Variants in LRP1B observed in about 807,000 individuals in gnomAD.
LRP1B encodes the protein low-density lipoprotein receptor-related protein 1B.
LRP1B carries 217 observed loss-of-function variants against 556.6 expected under a neutral mutation model. That is an observed-to-expected ratio of 0.39 (90% CI 0.35 to 0.44). The LOEUF (loss-of-function observed/expected upper bound fraction) is 0.44, where lower values mean the gene tolerates loss of function less well. Among genes scored for constraint, LRP1B ranks in the 20% least tolerant of loss-of-function variants. The pLI, the probability that LRP1B is intolerant of heterozygous loss-of-function variation, is 1.00. For missense variants in LRP1B, 5,053 were observed against 5,620.8 expected (o/e 0.90, Z 3.23); for synonymous variants, 2,047 against 1,865.8 (o/e 1.10, Z -2.50).
At chr2:140,417,195 T>G (rs954880790) in intron 66 of LRP1B, among the ~76,000 whole-genome samples, 37 of 152,230 alleles carry the variant, frequency 2.4e-4, no homozygotes, top group African/African-American at 8.7e-4. Flanking sequence ...GGCTAACACT[T>G]CATCAAATGT....
chr2:140,331,549 C>T (rs1680813124), intron 79 of LRP1B, among the ~76,000 whole-genome samples: 1 of 151,852 alleles, frequency 6.6e-6, no homozygotes, highest in South Asian at 2.1e-4. Context: ...TGTCACCCAA[C>T]CTGTGCCCTT....
chr2:140,282,098 A>T (rs1682938645), intron 84 of LRP1B, among the ~76,000 whole-genome samples: 1 of 151,834 alleles, frequency 6.6e-6, no homozygotes, highest in Non-Finnish European at 1.5e-5. Context: ...TAAGTTCTCC[A>T]AGATATCCTT....
chr2:140,938,206 AT>A (rs11324958), intron 20 of LRP1B, among the ~76,000 whole-genome samples: 17,424 of 151,626 alleles, frequency 0.11, 1,492 homozygotes, highest in East Asian at 0.23. Flanking sequence ...CCAGCTTCCT[AT>A]TTTTTTTAAT....
rs1464107794 is a variant in LRP1B at position 140,231,912 on chromosome 2, A to AT, written c.*1273dup. On this transcript the variant is annotated 3_prime_UTR_variant, in exon 91 of 91. Coordinates refer to ENST00000389484, the MANE Select transcript of LRP1B (RefSeq NM_018557.3). ...ATTTGTATAAAAATGCTATCCTTTT[A>AT]TTTTTATATACAACTTAAATAAATC... 1 of 151,888 alleles carries AT rather than the reference A, an allele frequency of 6.6e-6. No homozygotes were observed. Among genetic ancestry groups the AT allele is most frequent in the East Asian group, 2.0e-4 (1 of 5,098 alleles). 9.4% of individuals were successfully genotyped at this position (151,888 alleles called of 1,614,324 possible).
At chr2:140,688,500 A>G (rs1686127660) in intron 41 of LRP1B, among the ~76,000 whole-genome samples, 2 of 152,208 alleles carry the variant, frequency 1.3e-5, no homozygotes, top group African/African-American at 4.8e-5. Flanking sequence ...AAGTGAGGCC[A>G]TAGTTTAATG....
chr2:141,813,888 G>A (rs900433232), intron 1 of LRP1B, among the ~76,000 whole-genome samples: 2 of 152,112 alleles, frequency 1.3e-5, no homozygotes, highest in Admixed American at 6.5e-5. Context: ...TCTAAAAGAG[G>A]GTTGCCGGCT....
chr2:141,196,375 A>G (rs1422859015), intron 6 of LRP1B, among the ~76,000 whole-genome samples: 1 of 152,130 alleles, frequency 6.6e-6, no homozygotes, highest in Non-Finnish European at 1.5e-5. Context: ...CTGCTATATA[A>G]GACTAGAAAT....
In LRP1B at chr2:140,951,896, C is replaced by T. The variant is rs1442456354; in HGVS notation, c.2932G>A (p.Gly978Arg). ...TGCCATTTGCTGCTAATGCATCTTC[C>T]ACTTTTGCATACGAATTGGGTTAGT... ...EPLTQFVCKS[G>R]RCISSKWHCD... Residue 978 changes from glycine (G) to arginine (R), a missense_variant, in exon 19 of 91, where the codon GGA (glycine) becomes AGA (arginine). Physicochemically the swap from Gly to Arg is moderately radical, Grantham distance 125. Transcript: ENST00000389484. 5 of 1,614,012 alleles carry T rather than the reference C, an allele frequency of 3.1e-6. No homozygotes were observed. The highest frequency in any genetic ancestry group is 4.2e-6 in the Non-Finnish European group (5 of 1,179,930).
intron 35 of LRP1B, among the ~76,000 whole-genome samples, chr2:140,751,461 T>A (rs922151377): frequency 1.3e-5 from 2 of 152,238 alleles, no homozygotes; most frequent in African/African-American, 4.8e-5. Flanking sequence ...GGTCCTCCAA[T>A]TTTCTATCAT....
chr2:141,917,502 T>C (rs1700069887), intron 1 of LRP1B, among the ~76,000 whole-genome samples: 1 of 152,218 alleles, frequency 6.6e-6, no homozygotes, highest in African/African-American at 2.4e-5. Context: ...CAAAAGTAAA[T>C]ATCATGTATT....
At chr2:141,968,168 CAT>C in intron 1 of LRP1B, among the ~76,000 whole-genome samples, 1 of 151,886 alleles carries the variant, frequency 6.6e-6, no homozygotes, top group Middle Eastern at 3.4e-3. Context: ...ATTCCAGTAA[CAT>C]ATTAACAAAA....
chr2:141,299,657 A>G lies in LRP1B; in HGVS notation c.344-45016T>C, dbSNP rs556433148. On this transcript the variant is annotated intron_variant, in intron 3 of 90. Coordinates refer to ENST00000389484, the MANE Select transcript of LRP1B (RefSeq NM_018557.3). Reference sequence around the variant, plus strand: ...ACACGGACTGTCTCAGAAAAGGATGAATTCTATTTTTAAATATTCACAAAT... The same window carrying G: ...ACACGGACTGTCTCAGAAAAGGATGGATTCTATTTTTAAATATTCACAAAT... Among the ~76,000 whole-genome samples the G allele has an allele frequency of 5.9e-5, 9 of 152,348 alleles. No homozygotes were observed. In the East Asian group the frequency reaches 1.7e-3, roughly 29 times the overall value.
chr2:141,074,583 CTCTCTCTATATA>C (rs1699734329), intron 7 of LRP1B, among the ~76,000 whole-genome samples: 1 of 97,248 alleles, frequency 1.0e-5, no homozygotes, highest in Admixed American at 1.2e-4. Flanking sequence ...CTCTCTCTCT[CTCTCTCTATATA>C]TATATATATA....
At chr2:141,529,001 G>T (rs1372327330) in intron 2 of LRP1B, among the ~76,000 whole-genome samples, 2 of 152,094 alleles carry the variant, frequency 1.3e-5, no homozygotes, top group African/African-American at 4.8e-5. Context: ...AGATCTTAAC[G>T]TAGTATAATG....
intron 1 of LRP1B, among the ~76,000 whole-genome samples, chr2:141,836,389 G>A (rs1697279711): frequency 6.6e-6 from 1 of 151,896 alleles, no homozygotes. Context: ...ATATGGATAT[G>A]ATACATCTAT....
intron 11 of LRP1B, among the ~76,000 whole-genome samples, chr2:141,043,755 C>A (rs1251079306): frequency 6.6e-6 from 1 of 151,978 alleles, no homozygotes; most frequent in East Asian, 1.9e-4. Context: ...AGTAAATTAT[C>A]ATTTTTATAT....
At chr2:140,647,896 C>T (rs953688045) in intron 41 of LRP1B, among the ~76,000 whole-genome samples, 2 of 152,098 alleles carry the variant, frequency 1.3e-5, no homozygotes, top group African/African-American at 4.8e-5. Context: ...CCTCAAGGAT[C>T]TAGAGCTAGA....
intron 2 of LRP1B, among the ~76,000 whole-genome samples, chr2:141,807,480 T>C (rs1023950628): frequency 1.3e-5 from 2 of 152,058 alleles, no homozygotes; most frequent in African/African-American, 4.8e-5. Flanking sequence ...AATTTTAATG[T>C]TAGAGGATAA....
At chr2:141,742,353 GC>G (rs905104006) in intron 2 of LRP1B, among the ~76,000 whole-genome samples, 2 of 151,056 alleles carry the variant, frequency 1.3e-5, no homozygotes, top group Non-Finnish European at 2.9e-5. Flanking sequence ...CCAGGTTAAA[GC>G]AATTCTCCTG....
Sources: gnomAD v4.1 joint callset for allele counts (sites outside exome capture counted in the v4.1 genomes callset) on GRCh38, gnomAD v4.1.1 for gene constraint, MANE v1.5 for transcripts, NCBI Gene and HGNC (gene_info 2026-07-23, HGNC 2026-07-21) for gene names.